Variants in TENM2 observed in about 807,000 individuals in gnomAD.
TENM2 encodes the protein teneurin transmembrane protein 2, also known as teneurin-2.
A neutral mutation model predicts 245.2 loss-of-function variants in TENM2; 52 were observed. The ratio of observed to expected loss-of-function variants is 0.21; its 90% CI spans 0.17 to 0.27. The LOEUF is 0.27. TENM2 is among the 10% of genes least tolerant of loss of function. The pLI is 1.00. For synonymous variants in TENM2, 1,363 were observed against 1,438.9 expected, an observed-to-expected ratio of 0.95 and a Z score of 1.19; for missense variants, 3,046 against 3,666.8, an observed-to-expected ratio of 0.83 and a Z score of 4.37.
chr5:168,094,675 A>G (rs149658520), intron 8 of TENM2, among the ~76,000 whole-genome samples: 1 of 151,624 alleles, frequency 6.6e-6, no homozygotes, highest in Non-Finnish European at 1.5e-5. Flanking sequence ...TCTGGGGGTC[A>G]TGGGGGACAG....
intron 3 of TENM2, among the ~76,000 whole-genome samples, chr5:167,925,717 A>G (rs553807171): frequency 1.2e-4 from 19 of 152,354 alleles, no homozygotes; most frequent in African/African-American, 3.6e-4. Flanking sequence ...ATGCCCATTA[A>G]TGACAGATTG....
intron 6 of TENM2, among the ~76,000 whole-genome samples, chr5:168,048,417 T>C (rs1306997160): frequency 6.6e-6 from 1 of 152,170 alleles, no homozygotes; most frequent in Non-Finnish European, 1.5e-5. Flanking sequence ...ACCCCCACAT[T>C]TCGGAAACAC....
intron 5 of TENM2, among the ~76,000 whole-genome samples, chr5:167,996,719 T>TTTTG (rs71281808): frequency 0.17 from 25,241 of 150,898 alleles, 2,258 homozygotes; most frequent in Admixed American, 0.26. Flanking sequence ...TTGAATCACT[T>TTTTG]TTTGTTTGTT....
chr5:167,229,392 G>A, the TENM2 span, among the ~76,000 whole-genome samples: 2 of 152,236 alleles, frequency 1.3e-5, no homozygotes, highest in Admixed American at 1.3e-4. Flanking sequence ...GAATGACAGT[G>A]GTGGGCTGGG....
the TENM2 span, among the ~76,000 whole-genome samples, chr5:167,046,123 T>C: frequency 6.6e-6 from 1 of 151,956 alleles, no homozygotes; most frequent in African/African-American, 2.4e-5. Context: ...GTTAACAAAT[T>C]AAGAACTCAC....
chr5:167,396,611 G>T (rs1762068060), intron 2 of TENM2, among the ~76,000 whole-genome samples: 1 of 152,122 alleles, frequency 6.6e-6, no homozygotes, highest in African/African-American at 2.4e-5. Flanking sequence ...AGGACAAGAA[G>T]CAGTGTGTAT....
intron 2 of TENM2, among the ~76,000 whole-genome samples, chr5:167,500,479 A>G (rs1035111038): frequency 3.9e-5 from 6 of 152,146 alleles, no homozygotes; most frequent in African/African-American, 1.4e-4. Flanking sequence ...TTATATCTCA[A>G]AATTTTTAAA....
intron 27 of TENM2, among the ~76,000 whole-genome samples, chr5:168,258,134 AGAAAACG>A (rs1410628970): frequency 6.6e-6 from 1 of 152,228 alleles, no homozygotes; most frequent in Non-Finnish European, 1.5e-5. Context: ...CATACACACA[AGAAAACG>A]GAAAACAGGC....
chr5:167,122,669 A>G, the TENM2 span, among the ~76,000 whole-genome samples: 1 of 152,230 alleles, frequency 6.6e-6, no homozygotes, highest in African/African-American at 2.4e-5. Flanking sequence ...TAGGAAGCCA[A>G]GTAGATTTGG....
At chr5:167,178,780 G>A in the TENM2 span, among the ~76,000 whole-genome samples, 1 of 152,138 alleles carries the variant, frequency 6.6e-6, no homozygotes. Flanking sequence ...TCAACAGAGG[G>A]AAAAGAGTCA....
chr5:167,124,089 C>T, the TENM2 span, among the ~76,000 whole-genome samples: 751 of 152,264 alleles, frequency 4.9e-3, 6 homozygotes, highest in African/African-American at 0.017. Flanking sequence ...ACTGTCATTG[C>T]GTTCAAGTGA....
chr5:168,068,032 G>A (rs1484416499), intron 7 of TENM2, among the ~76,000 whole-genome samples: 1 of 152,152 alleles, frequency 6.6e-6, no homozygotes, highest in Non-Finnish European at 1.5e-5. Flanking sequence ...TGGACTGAAA[G>A]TGCTTTTGGA....
intron 2 of TENM2, among the ~76,000 whole-genome samples, chr5:167,504,283 A>T (rs981269576): frequency 1.2e-4 from 18 of 152,200 alleles, no homozygotes; most frequent in Non-Finnish European, 8.8e-5. Context: ...TTTATTACTT[A>T]TTGATATTTA....
chr5:167,378,382 T>A (rs972879176), intron 2 of TENM2, among the ~76,000 whole-genome samples: 3 of 150,958 alleles, frequency 2.0e-5, no homozygotes, highest in African/African-American at 7.3e-5. Context: ...CTTCTTCTTT[T>A]TTTTTTTTTT....
intron 2 of TENM2, among the ~76,000 whole-genome samples, chr5:167,614,876 A>G (rs1442768024): frequency 6.6e-6 from 1 of 152,132 alleles, no homozygotes; most frequent in African/African-American, 2.4e-5. Context: ...TTCTTCCACA[A>G]GGCAAGCAGG....
chr5:167,927,836 G>A (rs969691642), intron 3 of TENM2, among the ~76,000 whole-genome samples: 3 of 152,112 alleles, frequency 2.0e-5, no homozygotes, highest in African/African-American at 4.8e-5. Flanking sequence ...TTTCTGGCCC[G>A]GGTCCTGAGT....
intron 1 of TENM2, among the ~76,000 whole-genome samples, chr5:167,320,866 T>C (rs148577839): frequency 6.6e-6 from 1 of 152,324 alleles, no homozygotes; most frequent in Non-Finnish European, 1.5e-5. Flanking sequence ...GGACAACTTA[T>C]TTTTTATGGT....
chr5:167,015,279 G>A, the TENM2 span, among the ~76,000 whole-genome samples: 9 of 152,160 alleles, frequency 5.9e-5, no homozygotes, highest in Admixed American at 5.9e-4. Flanking sequence ...TGCGATGGAA[G>A]TATAGGGAAC....
chr5:167,613,677 G>A (rs758829891), intron 2 of TENM2, among the ~76,000 whole-genome samples: 4 of 151,934 alleles, frequency 2.6e-5, no homozygotes, highest in African/African-American at 9.7e-5. Flanking sequence ...GTTTATGCTC[G>A]ACCAGGACAG....
Sources: gnomAD v4.1 joint callset for allele counts (sites outside exome capture counted in the v4.1 genomes callset) on GRCh38, gnomAD v4.1.1 for gene constraint, MANE v1.5 for transcripts, NCBI Gene and HGNC (gene_info 2026-07-23, HGNC 2026-07-21) for gene names.